Variants in LRRTM4 observed in about 807,000 individuals in gnomAD.
The protein encoded by LRRTM4 is leucine-rich repeat transmembrane neuronal protein 4.
In LRRTM4, 25 loss-of-function variants were observed where a neutral mutation model predicts 47.6. That is an observed-to-expected ratio of 0.53 (90% CI 0.38 to 0.73). The LOEUF is 0.73. LRRTM4 is among the 30% of genes least tolerant of loss of function. LRRTM4 has a pLI of 0.00. For synonymous variants in LRRTM4, 311 were observed against 269.5 expected, an observed-to-expected ratio of 1.15 and a Z score of -1.51; for missense variants, 638 against 713.4, an observed-to-expected ratio of 0.89 and a Z score of 1.20.
In LRRTM4 at chr2:76,777,106, C is replaced by G. The variant is rs1187039804; in HGVS notation, c.1552-28190G>C. 9.8e-4 allele frequency among the ~76,000 whole-genome samples: 145 copies of G among 148,022 alleles called. 2 individuals carry two copies. Among genetic ancestry groups the G allele is most frequent in the Non-Finnish European group, 1.9e-3 (126 of 66,910 alleles). ...TTATTTCTGAGGGCTCTGTTCTGTT[C>G]CATTGATCTATATCTCTGTTTTGGT... is the stretch of plus-strand genomic sequence containing the variant. On this transcript the variant is annotated intron_variant, in intron 3 of 3. Coordinates refer to ENST00000409884, the MANE Select transcript of LRRTM4 (RefSeq NM_001134745.3).
At chr2:77,225,819 C>T (rs1006140990) in intron 3 of LRRTM4, among the ~76,000 whole-genome samples, 3 of 151,580 alleles carry the variant, frequency 2.0e-5, no homozygotes, top group African/African-American at 7.3e-5. Flanking sequence ...TTTGTCTTTA[C>T]TTTTACATAA....
chr2:77,418,121 A>G (rs971766599), intron 3 of LRRTM4, among the ~76,000 whole-genome samples: 10 of 152,108 alleles, frequency 6.6e-5, no homozygotes, highest in African/African-American at 2.4e-4. Context: ...ATAGCACACA[A>G]TTGTGCTATT....
chr2:77,149,202 A>AT (rs1672350696), intron 3 of LRRTM4, among the ~76,000 whole-genome samples: 1 of 152,128 alleles, frequency 6.6e-6, no homozygotes, highest in Non-Finnish European at 1.5e-5. Flanking sequence ...GGATTTTAAA[A>AT]TTTTAATATA....
At chr2:77,170,524 G>A (rs1458744884) in intron 3 of LRRTM4, among the ~76,000 whole-genome samples, 1 of 152,130 alleles carries the variant, frequency 6.6e-6, no homozygotes, top group Non-Finnish European at 1.5e-5. Context: ...CTCACCAATG[G>A]AGATCTTAGA....
rs544533715 is a variant in LRRTM4, at chr2:76,906,701, T to A, written c.1552-157785A>T. On this transcript the variant is annotated intron_variant, in intron 3 of 3. Coordinates refer to ENST00000409884, the MANE Select transcript of LRRTM4 (RefSeq NM_001134745.3). ...AAAAAGGCAGGGGTTGCAATCCTAG[T>A]CTCTGATAAAACAGACTTTAAACCA... Among the ~76,000 whole-genome samples the A allele has an allele frequency of 6.7e-3, 1,020 of 151,666 alleles. 4 individuals are homozygous for A. Among genetic ancestry groups the A allele is most frequent in the Non-Finnish European group, 0.011 (756 of 67,904 alleles).
intron 3 of LRRTM4, among the ~76,000 whole-genome samples, chr2:77,034,984 T>C (rs146051258): frequency 8.6e-5 from 13 of 151,976 alleles, no homozygotes; most frequent in Non-Finnish European, 1.6e-4. Context: ...AGAAAATGAA[T>C]TGGTTTCCTC....
chr2:77,150,592 A>G (rs1573011873), intron 3 of LRRTM4, among the ~76,000 whole-genome samples: 1 of 152,170 alleles, frequency 6.6e-6, no homozygotes, highest in Non-Finnish European at 1.5e-5. Context: ...TACTAAACCA[A>G]TCTATAAGAC....
intron 3 of LRRTM4, among the ~76,000 whole-genome samples, chr2:76,795,082 T>G (rs1358203368): frequency 2.0e-5 from 3 of 152,126 alleles, no homozygotes; most frequent in South Asian, 2.1e-4. Context: ...ACCTTTAACA[T>G]AGACGGCAGA....
At chr2:76,889,690 T>C (rs1191716981) in intron 3 of LRRTM4, among the ~76,000 whole-genome samples, 1 of 152,036 alleles carries the variant, frequency 6.6e-6, no homozygotes, top group Non-Finnish European at 1.5e-5. Context: ...TACTTTAACC[T>C]GAGCAGTGGC....
intron 3 of LRRTM4, among the ~76,000 whole-genome samples, chr2:77,089,226 G>C (rs7607612): frequency 9.7e-5 from 6 of 61,576 alleles, no homozygotes; most frequent in African/African-American, 5.9e-4. Context: ...GCAAGTAACC[G>C]AACCCCTTGT....
At chr2:77,370,811 G>A (rs768446365) in intron 3 of LRRTM4, among the ~76,000 whole-genome samples, 10 of 151,614 alleles carry the variant, frequency 6.6e-5, no homozygotes, top group South Asian at 4.1e-4. Flanking sequence ...ACATGCATTC[G>A]CCGAGTGCCT....
chr2:76,880,640 C>A (rs1481726758), intron 3 of LRRTM4, among the ~76,000 whole-genome samples: 3 of 151,922 alleles, frequency 2.0e-5, no homozygotes, highest in Admixed American at 6.6e-5. Context: ...GAAAAAAAAC[C>A]AAAACACAAA....
intron 3 of LRRTM4, among the ~76,000 whole-genome samples, chr2:77,486,392 A>G (rs1329195610): frequency 6.6e-6 from 1 of 152,222 alleles, no homozygotes; most frequent in East Asian, 1.9e-4. Context: ...AAAATAAAAT[A>G]AAATATCTTT....
intron 3 of LRRTM4, among the ~76,000 whole-genome samples, chr2:77,497,021 T>C (rs919061385): frequency 6.6e-6 from 1 of 151,758 alleles, no homozygotes; most frequent in Non-Finnish European, 1.5e-5. Flanking sequence ...TGAGTAAATT[T>C]TGATAGCTTA....
At chr2:76,794,905 T>G (rs539337495) in intron 3 of LRRTM4, among the ~76,000 whole-genome samples, 1 of 152,170 alleles carries the variant, frequency 6.6e-6, no homozygotes, top group South Asian at 2.1e-4. Flanking sequence ...TGTAGAAAAA[T>G]TAAGATTTAA....
intron 3 of LRRTM4, among the ~76,000 whole-genome samples, chr2:76,907,000 A>G (rs1673864866): frequency 6.6e-6 from 1 of 152,184 alleles, no homozygotes; most frequent in South Asian, 2.1e-4. Flanking sequence ...AGCAGAATAG[A>G]CATCTACAGA....
rs990496513 is a variant in LRRTM4 at position 76,958,867 on chromosome 2, A to G, written c.1552-209951T>C. On this transcript the variant is annotated intron_variant, in intron 3 of 3. Transcript: ENST00000409884. ...CCCCCTTGCCATTCACCTCCTCACA[A>G]CCTCAAACACCACCACCCAAGTATC... Among the ~76,000 whole-genome samples, 6 of 151,504 alleles carry G rather than the reference A, an allele frequency of 4.0e-5. No homozygotes were observed. The East Asian group carries it at 5.9e-4, about 15-fold the overall frequency.
intron 3 of LRRTM4, among the ~76,000 whole-genome samples, chr2:77,218,798 A>G (rs1259287423): frequency 6.6e-6 from 1 of 152,136 alleles, no homozygotes; most frequent in Non-Finnish European, 1.5e-5. Context: ...CATTTGTGCA[A>G]ACTTTGTGAT....
At chr2:77,027,714 CTGTT>C (rs1249641339) in intron 3 of LRRTM4, among the ~76,000 whole-genome samples, 18 of 152,090 alleles carry the variant, frequency 1.2e-4, no homozygotes, top group Admixed American at 3.3e-4. Context: ...CTTTTATTGA[CTGTT>C]TGGCTTTTAA....
Sources: allele counts gnomAD v4.1 joint callset (sites outside exome capture counted in the v4.1 genomes callset), GRCh38; gene constraint gnomAD v4.1.1; transcripts MANE v1.5; gene names NCBI Gene and HGNC (gene_info 2026-07-23, HGNC 2026-07-21).